NSD1: variants seen among roughly 807,000 people sequenced by gnomAD.
NSD1 encodes the protein nuclear receptor binding SET domain protein 1, also known as histone-lysine N-methyltransferase, H3 lysine-36 specific.
In NSD1, 26 loss-of-function variants were observed where a neutral mutation model predicts 242.7. The ratio of observed to expected loss-of-function variants is 0.11; its 90% CI spans 0.08 to 0.15. The LOEUF (loss-of-function observed/expected upper bound fraction) is 0.15. NSD1 is among the 10% of genes least tolerant of loss of function. The probability of loss-of-function intolerance (pLI) is 1.00; values close to 1 mark genes in which losing one functional copy is unlikely to be tolerated. For synonymous variants in NSD1, 1,106 were observed against 1,178.1 expected, an observed-to-expected ratio of 0.94 and a Z score of 1.25; for missense variants, 2,495 against 3,272.8, an observed-to-expected ratio of 0.76 and a Z score of 5.80.
At chr5:177,215,994 G>C (rs2149856027) in intron 5 of NSD1, among the ~76,000 whole-genome samples, 1 of 152,130 alleles carries the variant, frequency 6.6e-6, no homozygotes, top group African/African-American at 2.4e-5. Context: ...CTGAGTAGCT[G>C]GGAGTACAGG....
rs1758786083 is a variant in NSD1 at position 177,280,488 on chromosome 5, AAAG to A, written c.5623-76_5623-74del. The A allele has an allele frequency of 7.0e-6, 11 of 1,573,810 alleles. 1 individual carries two copies. In the South Asian group the frequency reaches 1.0e-4, roughly 14 times the overall value. On this transcript the variant is annotated intron_variant, in intron 17 of 22. Coordinates refer to ENST00000439151, the MANE Select transcript of NSD1 (RefSeq NM_022455.5). Reference sequence around the variant, plus strand: ...AATGTGGCTGCAACTTCAAGGAAAAAAAGTTTGCCTTTTTCAGGACGTGAATTG... The same window carrying A: ...AATGTGGCTGCAACTTCAAGGAAAAATTTGCCTTTTTCAGGACGTGAATTG...
At chr5:177,246,946 C>A in intron 10 of NSD1, 150 bp downstream of exon 10, 1 of 656,228 alleles carries the variant, frequency 1.5e-6, no homozygotes, top group Non-Finnish European at 2.7e-6. Flanking sequence ...AAAAGTAGAG[C>A]CTTATCCTAA....
chr5:177,172,384 A>G (rs958687341), intron 2 of NSD1, among the ~76,000 whole-genome samples: 3 of 152,122 alleles, frequency 2.0e-5, no homozygotes, highest in Non-Finnish European at 4.4e-5. Flanking sequence ...CTTCAAAGAC[A>G]TAATTGTGCT....
At chr5:177,242,236 G>T (rs1039634828) in intron 8 of NSD1, among the ~76,000 whole-genome samples, 1 of 152,100 alleles carries the variant, frequency 6.6e-6, no homozygotes, top group African/African-American at 2.4e-5. Context: ...GTTAAACAAT[G>T]AACTAATTTG....
At chr5:177,185,454 C>T (rs558657025) in intron 2 of NSD1, among the ~76,000 whole-genome samples, 20 of 151,082 alleles carry the variant, frequency 1.3e-4, no homozygotes, top group Admixed American at 2.7e-4. Flanking sequence ...AAAAATTAGC[C>T]GGGCATGGTG....
intron 17 of NSD1, among the ~76,000 whole-genome samples, chr5:177,280,229 G>A (rs939564272): frequency 3.3e-5 from 5 of 151,152 alleles, no homozygotes; most frequent in South Asian, 2.1e-4. Flanking sequence ...CACCTGCCTC[G>A]GCCTCCCAAA....
At chr5:177,165,480 CT>C (rs537718319) in intron 2 of NSD1, among the ~76,000 whole-genome samples, 1 of 151,918 alleles carries the variant, frequency 6.6e-6, no homozygotes, top group South Asian at 2.1e-4. Flanking sequence ...TTCAATTTGC[CT>C]TTTTTTTAAA....
intron 5 of NSD1, among the ~76,000 whole-genome samples, chr5:177,218,617 G>T: frequency 6.6e-6 from 1 of 151,072 alleles, no homozygotes; most frequent in African/African-American, 2.4e-5. Context: ...GCCCAGGCTG[G>T]CGTGCCGTGG....
chr5:177,201,184 A>G (rs993072657), intron 3 of NSD1, among the ~76,000 whole-genome samples: 1 of 151,740 alleles, frequency 6.6e-6, no homozygotes, highest in Non-Finnish European at 1.5e-5. Context: ...ACTGTGTCCA[A>G]CCTAAGCATC....
At chr5:177,188,334 T>G (rs928960388) in intron 2 of NSD1, among the ~76,000 whole-genome samples, 2 of 152,204 alleles carry the variant, frequency 1.3e-5, no homozygotes, top group Admixed American at 6.5e-5. Context: ...AGTTTATTTA[T>G]TAAGATCAGT....
chr5:177,140,560 T>C (rs1756726515), intron 2 of NSD1, among the ~76,000 whole-genome samples: 2 of 152,242 alleles, frequency 1.3e-5, no homozygotes, highest in Admixed American at 1.3e-4. Flanking sequence ...GGCATGTACC[T>C]GTAGTCCTAG....
At chr5:177,282,328 TTA>T in intron 18 of NSD1, 135 bp from the exon 19 acceptor site, 1 of 757,984 alleles carries the variant, frequency 1.3e-6, no homozygotes. Flanking sequence ...CGTAAAGTAA[TTA>T]TGTGTGCCTA....
intron 5 of NSD1, among the ~76,000 whole-genome samples, chr5:177,225,442 C>T (rs1419167853): frequency 3.3e-5 from 5 of 152,110 alleles, no homozygotes; most frequent in Non-Finnish European, 5.9e-5. Flanking sequence ...CGTGCCCAGC[C>T]GTCTTAGTCT....
chr5:177,222,589 T>A (rs1299362217), intron 5 of NSD1, among the ~76,000 whole-genome samples: 1 of 152,232 alleles, frequency 6.6e-6, no homozygotes, highest in East Asian at 1.9e-4. Context: ...CTCTGCTGGC[T>A]AATGATGTTC....
At chr5:177,291,451 G>A (rs759199422) in intron 21 of NSD1, among the ~76,000 whole-genome samples, 3 of 152,226 alleles carry the variant, frequency 2.0e-5, no homozygotes, top group Middle Eastern at 3.4e-3. Context: ...TCAGGAGTTC[G>A]AGACCAGCTT....
intron 2 of NSD1, among the ~76,000 whole-genome samples, chr5:177,176,405 AT>A (rs1182033986): frequency 5.3e-5 from 8 of 150,366 alleles, no homozygotes; most frequent in African/African-American, 2.0e-4. Flanking sequence ...TACAGGTGTG[AT>A]CCACCATGCC....
At chr5:177,158,585 A>T (rs184067796) in intron 2 of NSD1, among the ~76,000 whole-genome samples, 51 of 151,820 alleles carry the variant, frequency 3.4e-4, no homozygotes, top group African/African-American at 1.2e-3. Context: ...TGATTCACCC[A>T]CCTCGGCCTC....
intron 5 of NSD1, among the ~76,000 whole-genome samples, chr5:177,220,780 A>G (rs1450484388): frequency 6.6e-6 from 1 of 151,836 alleles, no homozygotes; most frequent in African/African-American, 2.4e-5. Context: ...AGTGTTGGCC[A>G]CGCCAGTCTC....
chr5:177,254,805 G>T (rs1032279909), intron 12 of NSD1, among the ~76,000 whole-genome samples: 1 of 151,940 alleles, frequency 6.6e-6, no homozygotes, highest in Non-Finnish European at 1.5e-5. Flanking sequence ...TTAAAGTTTT[G>T]CATATGACAT....
Sources: gnomAD v4.1 joint callset for allele counts (sites outside exome capture counted in the v4.1 genomes callset) on GRCh38, gnomAD v4.1.1 for gene constraint, MANE v1.5 for transcripts, NCBI Gene and HGNC (gene_info 2026-07-23, HGNC 2026-07-21) for gene names.